PTPRN2: variants seen among roughly 807,000 people sequenced by gnomAD.
The protein encoded by PTPRN2 is receptor-type tyrosine-protein phosphatase N2.
Under a neutral mutation model 118.8 loss-of-function variants are expected in PTPRN2, and 74 were observed. The ratio of observed to expected loss-of-function variants is 0.62; its 90% CI spans 0.52 to 0.76. The LOEUF (loss-of-function observed/expected upper bound fraction) is 0.76, where lower values mean the gene tolerates loss of function less well. Ranked by LOEUF, PTPRN2 falls within the 30% of genes least tolerant of loss-of-function variation. The pLI is 0.00. For missense variants in PTPRN2, 1,481 were observed against 1,394.4 expected (o/e 1.06, Z -0.99); for synonymous variants, 641 against 608.0 (o/e 1.05, Z -0.80).
At chr7:158,372,296 C>T (rs1810090821) in intron 2 of PTPRN2, among the ~76,000 whole-genome samples, 1 of 150,906 alleles carries the variant, frequency 6.6e-6, no homozygotes. Context: ...GTCCCCGGAG[C>T]TGGTCCCCCC....
At chr7:157,677,729 A>G (rs1796735355) in intron 13 of PTPRN2, among the ~76,000 whole-genome samples, 1 of 152,234 alleles carries the variant, frequency 6.6e-6, no homozygotes, top group Non-Finnish European at 1.5e-5. Context: ...ACTGGGGACG[A>G]CACGTACCCT....
chr7:157,882,957 C>A (rs923638352), intron 12 of PTPRN2, among the ~76,000 whole-genome samples: 4 of 151,908 alleles, frequency 2.6e-5, no homozygotes, highest in Admixed American at 2.6e-4. Context: ...AACACACCAC[C>A]CCAAAACGAC....
At chr7:158,262,066 G>A (rs573859420) in intron 3 of PTPRN2, among the ~76,000 whole-genome samples, 27 of 152,242 alleles carry the variant, frequency 1.8e-4, no homozygotes, top group Admixed American at 7.8e-4. Context: ...GGCCACCTAC[G>A]GTTCCCAGAG....
chr7:158,109,160 CCA>C (rs1815968803), intron 10 of PTPRN2, among the ~76,000 whole-genome samples: 2 of 150,814 alleles, frequency 1.3e-5, no homozygotes, highest in East Asian at 2.0e-4. Context: ...TGACATCACC[CCA>C]TGTGTGAAAG....
chr7:158,479,010 C>T (rs1450213948), intron 2 of PTPRN2, among the ~76,000 whole-genome samples: 1 of 152,078 alleles, frequency 6.6e-6, no homozygotes, highest in Non-Finnish European at 1.5e-5. Flanking sequence ...GGCAGTGGCT[C>T]CCGTGTTTCT....
chr7:157,771,538 G>A (rs563122176), intron 12 of PTPRN2, among the ~76,000 whole-genome samples: 2 of 152,304 alleles, frequency 1.3e-5, no homozygotes, highest in East Asian at 1.9e-4. Flanking sequence ...GGACTCCACA[G>A]AGCAGTGAGA....
At chr7:157,750,808 G>T (rs1425682056) in intron 12 of PTPRN2, among the ~76,000 whole-genome samples, 2 of 152,236 alleles carry the variant, frequency 1.3e-5, no homozygotes. Context: ...GGAAGGAAGG[G>T]TGTAAAGCCC....
intron 12 of PTPRN2, among the ~76,000 whole-genome samples, chr7:157,888,157 G>C (rs1257500548): frequency 6.6e-6 from 1 of 151,978 alleles, no homozygotes. Context: ...AGTCACTGCA[G>C]CCTGGTTCTT....
At chr7:158,149,107 TCTTTCCCCCTC>T (rs1172452176) in intron 6 of PTPRN2, among the ~76,000 whole-genome samples, 4 of 149,302 alleles carry the variant, frequency 2.7e-5, no homozygotes, top group Admixed American at 1.3e-4. Context: ...ACGCCACACG[TCTTTCCCCCTC>T]AATGACACCC....
chr7:158,149,742 T>C (rs1235477047), intron 6 of PTPRN2, among the ~76,000 whole-genome samples: 3 of 151,050 alleles, frequency 2.0e-5, no homozygotes, highest in East Asian at 3.9e-4. Context: ...AGACGGAGGT[T>C]GCGGTGAGCT....
intron 11 of PTPRN2, among the ~76,000 whole-genome samples, chr7:157,939,809 T>C (rs1158303031): frequency 1.3e-5 from 2 of 152,204 alleles, no homozygotes; most frequent in East Asian, 1.9e-4. Context: ...GGCTGGGTAC[T>C]GGGCACCCGA....
intron 2 of PTPRN2, among the ~76,000 whole-genome samples, chr7:158,479,544 G>A (rs1339187384): frequency 6.6e-6 from 1 of 152,176 alleles, no homozygotes; most frequent in Non-Finnish European, 1.5e-5. Context: ...ACTCTGAGAC[G>A]CAGAGCTGTT....
intron 1 of PTPRN2, among the ~76,000 whole-genome samples, chr7:158,511,117 G>A (rs1823148511): frequency 6.6e-6 from 1 of 152,176 alleles, no homozygotes; most frequent in Non-Finnish European, 1.5e-5. Context: ...AAATTTTCTG[G>A]CACCTTTGAC....
Position 157,981,979 on chromosome 7 carries a change from C to G in PTPRN2, c.1724-83242G>C, listed in dbSNP as rs143685802. ...GAGGGGAATGCAGAGTGCAGGGTAC[C>G]GCCCAGAACCCCTGAGTCATAGAGA... On this transcript the variant is annotated intron_variant, in intron 11 of 22. Transcript: ENST00000389418. 6.2e-3 allele frequency among the ~76,000 whole-genome samples: 933 copies of G among 151,278 alleles called. 34 individuals carry two copies. Among genetic ancestry groups the G allele is most frequent in the South Asian group, 0.048 (231 of 4,804 alleles).
rs1306808663 is a variant in PTPRN2, at chr7:157,869,596, AT to A, written c.1788+29076del. On this transcript the variant is annotated intron_variant, in intron 12 of 22. Coordinates refer to ENST00000389418, the MANE Select transcript of PTPRN2 (RefSeq NM_002847.5). The surrounding 1 kb of genome is among the most constrained non-coding windows in gnomAD (Gnocchi z 4.2). Reference sequence around the variant, plus strand: ...TCAATGCAGTCTTTTTCCCATTACTATCTAAGGAAAAATGGGTACCCTCTGG... The same window carrying A: ...TCAATGCAGTCTTTTTCCCATTACTACTAAGGAAAAATGGGTACCCTCTGG... Among the ~76,000 whole-genome samples, 1 of 152,090 alleles carries A rather than the reference AT, an allele frequency of 6.6e-6. No individual in the cohort carries two copies. The highest frequency in any genetic ancestry group is 1.5e-5 in the Non-Finnish European group (1 of 68,016).
intron 9 of PTPRN2, among the ~76,000 whole-genome samples, chr7:158,113,465 G>A (rs1165561988): frequency 6.6e-6 from 1 of 152,156 alleles, no homozygotes; most frequent in Non-Finnish European, 1.5e-5. Context: ...CCCAGAGCAG[G>A]CAGAGGCCTT....
At chr7:157,653,775 T>C (rs1719312864) in intron 14 of PTPRN2, among the ~76,000 whole-genome samples, 1 of 151,862 alleles carries the variant, frequency 6.6e-6, no homozygotes, top group South Asian at 2.1e-4. Flanking sequence ...GCCCACTTGG[T>C]TGCTGGACTC....
At chr7:157,557,191 C>T (rs1311866923) in intron 21 of PTPRN2, among the ~76,000 whole-genome samples, 1 of 151,220 alleles carries the variant, frequency 6.6e-6, no homozygotes, top group Non-Finnish European at 1.5e-5. Context: ...GCACACACCA[C>T]ACAACACACA....
chr7:157,670,476 C>T (rs76730342), intron 13 of PTPRN2, among the ~76,000 whole-genome samples: 1,554 of 152,314 alleles, frequency 0.01, 38 homozygotes, highest in African/African-American at 0.035. Flanking sequence ...CTGGAACAGC[C>T]CATGTCTAAG....
Sources: allele counts gnomAD v4.1 joint callset (sites outside exome capture counted in the v4.1 genomes callset), GRCh38; gene constraint gnomAD v4.1.1; non-coding constraint Gnocchi (gnomAD v3.1); transcripts MANE v1.5; gene names NCBI Gene and HGNC (gene_info 2026-07-23, HGNC 2026-07-21).